The following PC variants were observed in gnomAD, a reference collection of about 807,000 sequenced individuals.
PC encodes the protein pyruvate carboxylase.
PC carries 46 observed loss-of-function variants against 107.8 expected under a neutral mutation model. The ratio of observed to expected loss-of-function variants is 0.43; its 90% CI spans 0.34 to 0.55. The LOEUF is 0.55. PC is among the 20% of genes least tolerant of loss of function. The pLI is 0.04. For missense variants in PC, 1,241 were observed against 1,643.1 expected (o/e 0.76, Z 4.23); for synonymous variants, 662 against 684.7 (o/e 0.97, Z 0.52).
At chr11:66,911,133 A>G (rs2136070983) in intron 3 of PC, among the ~76,000 whole-genome samples, 1 of 152,344 alleles carries the variant, frequency 6.6e-6, no homozygotes, top group South Asian at 2.1e-4. Flanking sequence ...AGCCCTTGTA[A>G]TAATAGCCTT....
intron 12 of PC, among the ~76,000 whole-genome samples, chr11:66,862,886 C>A (rs1027410270): frequency 1.3e-5 from 2 of 152,268 alleles, no homozygotes; most frequent in Non-Finnish European, 2.9e-5. Flanking sequence ...CTCTGCTGCG[C>A]CCCCACCCTC....
chr11:66,853,049 G>A lies in PC; in HGVS notation c.1513+190C>T, dbSNP rs560209706. 15 of 718,404 alleles carry A rather than the reference G, an allele frequency of 2.1e-5. No homozygotes were observed. In the Admixed American group the frequency reaches 2.4e-4, roughly 12 times the overall value. 44.5% of individuals were successfully genotyped at this position (718,404 alleles called of 1,614,324 possible). A position where few individuals can be genotyped will look rare whatever the true frequency, so the allele number is the denominator to read the frequency against. ...GTGGATGGAAAGGTGGGGTCTCTCA[G>A]ATCAGAAGCAAGGAGAGCAGTGAAT... On this transcript the variant is annotated intron_variant, in intron 13 of 22. Transcript: ENST00000393960.
At chr11:66,918,608 A>G (rs1948519261) in intron 3 of PC, among the ~76,000 whole-genome samples, 1 of 151,902 alleles carries the variant, frequency 6.6e-6, no homozygotes, top group Non-Finnish European at 1.5e-5. Flanking sequence ...CCTGAGCTCA[A>G]GTAATCCGCC....
intron 3 of PC, among the ~76,000 whole-genome samples, chr11:66,883,191 C>T (rs982770092): frequency 6.6e-6 from 1 of 152,202 alleles, no homozygotes; most frequent in African/African-American, 2.4e-5. Context: ...ACCGAGGCGA[C>T]TGGCGCCATG....
At chr11:66,941,963 G>A (rs1226460867) in intron 3 of PC, among the ~76,000 whole-genome samples, 7 of 152,184 alleles carry the variant, frequency 4.6e-5, no homozygotes, top group Non-Finnish European at 1.0e-4. Context: ...TTAGCCGGGT[G>A]TGGTGGCACA....
intron 1 of PC, chr11:66,958,121 G>A (rs539147282): frequency 6.6e-6 from 1 of 151,778 alleles, no homozygotes; most frequent in African/African-American, 2.4e-5. Context: ...CCCGCGCGAG[G>A]GGGAGGGGCG....
chr11:66,957,097 AC>A (rs1368875540), intron 1 of PC, among the ~76,000 whole-genome samples: 1 of 152,078 alleles, frequency 6.6e-6, no homozygotes, highest in East Asian at 1.9e-4. Context: ...GAGCACATCC[AC>A]CCCCAGCACA....
intron 3 of PC, among the ~76,000 whole-genome samples, chr11:66,881,335 T>C (rs1477484889): frequency 6.6e-6 from 1 of 152,214 alleles, no homozygotes; most frequent in Non-Finnish European, 1.5e-5. Context: ...GACGTGTAAA[T>C]AACTCCTTGC....
intron 3 of PC, among the ~76,000 whole-genome samples, chr11:66,894,350 C>T (rs916985133): frequency 2.0e-5 from 3 of 152,218 alleles, no homozygotes; most frequent in African/African-American, 7.2e-5. Context: ...CAGAGCACTC[C>T]CTCTACCATT....
intron 3 of PC, among the ~76,000 whole-genome samples, chr11:66,950,594 G>T (rs1314280440): frequency 2.0e-5 from 3 of 152,194 alleles, no homozygotes; most frequent in Non-Finnish European, 4.4e-5. Flanking sequence ...CCTAGGCAAA[G>T]CTCAAGTCAG....
At chr11:66,907,392 T>A (rs769760142) in intron 3 of PC, among the ~76,000 whole-genome samples, 1 of 152,094 alleles carries the variant, frequency 6.6e-6, no homozygotes, top group Non-Finnish European at 1.5e-5. Flanking sequence ...CCGGGTGTGG[T>A]GGCACACACG....
chr11:66,943,334 T>A (rs761467771), intron 3 of PC, among the ~76,000 whole-genome samples: 3 of 151,824 alleles, frequency 2.0e-5, no homozygotes, highest in Non-Finnish European at 4.4e-5. Flanking sequence ...CCTTCCACCC[T>A]GTGAGGACGC....
chr11:66,911,269 G>A (rs1158991659), intron 3 of PC, among the ~76,000 whole-genome samples: 2 of 152,190 alleles, frequency 1.3e-5, no homozygotes, highest in Admixed American at 6.5e-5. Flanking sequence ...AAGGAGCTGC[G>A]AGATGTGAAT....
At chr11:66,868,624 T>C (rs940497382) in intron 10 of PC, among the ~76,000 whole-genome samples, 3 of 152,206 alleles carry the variant, frequency 2.0e-5, no homozygotes, top group Non-Finnish European at 4.4e-5. Context: ...AGAGGAGGGC[T>C]GTCAGTCATT....
chr11:66,860,725 C>T (rs1005176822), intron 12 of PC: 24 of 700,092 alleles, frequency 3.4e-5, no homozygotes, highest in South Asian at 1.3e-4. Context: ...GTGCAAAGAA[C>T]GCCCCTTCCT....
At chr11:66,856,014 G>A (rs979914487) in intron 12 of PC, among the ~76,000 whole-genome samples, 2 of 129,938 alleles carry the variant, frequency 1.5e-5, no homozygotes, top group African/African-American at 6.8e-5. Flanking sequence ...AGGAGACACG[G>A]GGAGGTGGTG....
At chr11:66,853,456 A>C in intron 12 of PC, 73 bp from the exon 13 acceptor site, 7 of 1,577,328 alleles carry the variant, frequency 4.4e-6, no homozygotes, top group Non-Finnish European at 6.1e-6. Flanking sequence ...AAAAGGCTGA[A>C]AGAGAAAAGG....
At chr11:66,861,010 G>A (rs1157041313) in intron 12 of PC, among the ~76,000 whole-genome samples, 1 of 152,212 alleles carries the variant, frequency 6.6e-6, no homozygotes, top group Non-Finnish European at 1.5e-5. Flanking sequence ...GGAAGGGCAG[G>A]GAACCCCACT....
intron 16 of PC, 89 bp from the exon 17 acceptor site, chr11:66,851,369 C>A: frequency 6.4e-7 from 1 of 1,570,250 alleles, no homozygotes; most frequent in Non-Finnish European, 8.6e-7. Context: ...ACTCTATGGC[C>A]CCTGGGGAAT....
Sources: allele counts gnomAD v4.1 joint callset (sites outside exome capture counted in the v4.1 genomes callset), GRCh38; gene constraint gnomAD v4.1.1; transcripts MANE v1.5; gene names NCBI Gene and HGNC (gene_info 2026-07-23, HGNC 2026-07-21).